Variants in IGDCC3 observed in about 807,000 individuals in gnomAD.
IGDCC3 encodes putative neuronal cell adhesion molecule.
A neutral mutation model predicts 72.0 loss-of-function variants in IGDCC3; 47 were observed. That is an observed-to-expected ratio of 0.65 (90% CI 0.52 to 0.83). The LOEUF (loss-of-function observed/expected upper bound fraction) is 0.83, where lower values mean the gene tolerates loss of function less well. IGDCC3 is among the 40% of genes least tolerant of loss of function. The pLI is 0.00. For missense variants in IGDCC3, 1,038 were observed against 1,091.3 expected (o/e 0.95, Z 0.69); for synonymous variants, 477 against 472.8 (o/e 1.01, Z -0.11).
At chr15:65,362,846 A>ATT (rs869239198) in intron 2 of IGDCC3, among the ~76,000 whole-genome samples, 1,344 of 85,702 alleles carry the variant, frequency 0.016, 81 homozygotes, top group African/African-American at 0.045. Flanking sequence ...AGGTTTGGGG[A>ATT]TTTTTTTTTT....
At chr15:65,374,934 C>A (rs751842260) in intron 2 of IGDCC3, among the ~76,000 whole-genome samples, 163 bp downstream of exon 2, 1 of 152,146 alleles carries the variant, frequency 6.6e-6, no homozygotes, top group Non-Finnish European at 1.5e-5. Flanking sequence ...ATAATTCCAC[C>A]GCCACGAATC....
intron 2 of IGDCC3, among the ~76,000 whole-genome samples, chr15:65,365,493 C>T (rs1302361609): frequency 6.6e-6 from 1 of 152,178 alleles, no homozygotes; most frequent in Admixed American, 6.5e-5. Flanking sequence ...CCACCACCCA[C>T]TGTGGTCAGT....
At chr15:65,375,476 C>T (rs1021672662) in intron 1 of IGDCC3, 74 bp from the exon 2 acceptor site, 340 of 1,267,562 alleles carry the variant, frequency 2.7e-4, no homozygotes, top group Middle Eastern at 5.6e-4. Flanking sequence ...GAACTCCACC[C>T]ACATGGTTCC....
chr15:65,355,656 T>TCCA, intron 2 of IGDCC3: 1 of 211,730 alleles, frequency 4.7e-6, no homozygotes, highest in Non-Finnish European at 9.7e-6. Flanking sequence ...GACGCGGGCG[T>TCCA]CCCGCCCCCC....
rs996207157 is a variant in IGDCC3, at chr15:65,377,880, T to C, written c.-92A>G. 2.9e-6 allele frequency: 3 copies of C among 1,028,792 alleles called. No homozygotes were observed. Among genetic ancestry groups the C allele is most frequent in the Non-Finnish European group, 3.5e-6 (3 of 857,750 alleles). The allele number at this position is 1,028,792 out of a possible 1,614,324, so 63.7% of individuals were successfully genotyped here. ...GCGGGGCCGGCGCCGGGGCCGGGGC[T>C]GGGGCTCCGGCCGGGGCCGAGCCCA... On this transcript the variant is annotated 5_prime_UTR_variant, in exon 1 of 14. Coordinates refer to ENST00000327987, the MANE Select transcript of IGDCC3 (RefSeq NM_004884.4). The surrounding 1 kb of genome is among the most constrained non-coding windows in gnomAD (Gnocchi z 4.9).
At chr15:65,363,631 G>A (rs1275839256) in intron 2 of IGDCC3, among the ~76,000 whole-genome samples, 2 of 151,968 alleles carry the variant, frequency 1.3e-5, no homozygotes, top group Non-Finnish European at 2.9e-5. Flanking sequence ...GGATGATTAT[G>A]GCTTCTCCCT....
chr15:65,344,415 C>G (rs570113444), intron 2 of IGDCC3, among the ~76,000 whole-genome samples: 2 of 152,192 alleles, frequency 1.3e-5, no homozygotes, highest in African/African-American at 2.4e-5. Flanking sequence ...TCACCACTCC[C>G]CCGCACCCAA....
chr15:65,363,250 G>C (rs1203894937), intron 2 of IGDCC3, among the ~76,000 whole-genome samples: 1 of 152,170 alleles, frequency 6.6e-6, no homozygotes, highest in African/African-American at 2.4e-5. Flanking sequence ...AACATAAAAG[G>C]ATGCTCATGG....
At chr15:65,345,237 G>A (rs8031618) in intron 2 of IGDCC3, among the ~76,000 whole-genome samples, 3,949 of 152,216 alleles carry the variant, frequency 0.026, 69 homozygotes, top group African/African-American at 0.049. Context: ...CCTTAGATGT[G>A]CACACCCAAC....
chr15:65,342,469 G>A (rs1246034091), intron 2 of IGDCC3, among the ~76,000 whole-genome samples: 1 of 152,100 alleles, frequency 6.6e-6, no homozygotes, highest in Non-Finnish European at 1.5e-5. Flanking sequence ...GTGCTCAGCA[G>A]CCACAAGTGG....
intron 2 of IGDCC3, among the ~76,000 whole-genome samples, chr15:65,354,457 G>A (rs1358942868): frequency 6.6e-6 from 1 of 151,960 alleles, no homozygotes; most frequent in African/African-American, 2.4e-5. Context: ...TTCCATATCC[G>A]CCAAAGGAAG....
In IGDCC3 at chr15:65,330,741, G is replaced by T; in HGVS notation, c.1562C>A (p.Ala521Asp). The change falls in exon 10 of 14, where the codon GCC becomes GAC. Residue 521 changes from alanine to aspartate, a missense_variant and splice_region_variant. Transcript: ENST00000327987. ...VPTLASTLGE[A>D]PAPPPLSVRV... The stretch of plus-strand genomic sequence containing the variant: ...CACTGACAGTGGGGGTGGGGCAGGG[G>T]CTGCAGGTAGAGAAGGAGGCCACGA... 6.3e-7 allele frequency: 1 copy of T among 1,599,534 alleles called. No individual in the cohort carries two copies. The highest frequency in any genetic ancestry group is 8.5e-7 in the Non-Finnish European group (1 of 1,171,882).
rs1184648134 is a variant in IGDCC3, at chr15:65,377,916, G to A, written c.-128C>T. The A allele has an allele frequency of 1.1e-6, 1 of 891,872 alleles. No homozygotes were observed. The highest frequency in any genetic ancestry group is 1.4e-6 in the Non-Finnish European group (1 of 738,432). The allele number at this position is 891,872 out of a possible 1,614,324, so 55.2% of individuals were successfully genotyped here. ...CCGGGGCCGAGCCCAGGCGGTGGGG[G>A]ACTGGGGCCGCATGCCTGCTCAGCA... On this transcript the variant is annotated 5_prime_UTR_variant, in exon 1 of 14. Coordinates refer to ENST00000327987, the MANE Select transcript of IGDCC3 (RefSeq NM_004884.4). This position sits in a 1 kb window ranked among gnomAD's most constrained non-coding sequence, Gnocchi z 4.9.
Position 65,329,740 on chromosome 15 carries a change from G to A in IGDCC3, c.1983C>T (p.Phe661=), listed in dbSNP as rs774803213. 1.9e-5 allele frequency: 30 copies of A among 1,613,902 alleles called. No individual in the cohort carries two copies. The South Asian group carries it at 2.3e-4, about 12-fold the overall frequency. The change falls in exon 12 of 14, where the codon TTC becomes TTT. Residue 661 remains phenylalanine, a synonymous_variant. Coordinates refer to ENST00000327987, the MANE Select transcript of IGDCC3 (RefSeq NM_004884.4). This position sits in a 1 kb window ranked among gnomAD's most constrained non-coding sequence, Gnocchi z 4.1. ...CCAGGACCCACCTGCCCCTTTGGCC[G>A]AACAGGAGGAAGAGGACACAGAAGA... ...CIIFCVLFLL[F]GQRGRVLLCK... is the part of the protein sequence containing the mutation.
Position 65,373,117 on chromosome 15 carries a change from C to CTA in IGDCC3, c.409+1978_409+1979dup, listed in dbSNP as rs113550928. On this transcript the variant is annotated intron_variant, in intron 2 of 13. Transcript: ENST00000327987. ...TAAAAAAAAGCACATTTACAATTAG[C>CTA]TATATATATATAAGCCCCTGGGGAT... 1.6e-3 allele frequency among the ~76,000 whole-genome samples: 250 copies of CTA among 152,132 alleles called. 2 individuals are homozygous for CTA. Among genetic ancestry groups the CTA allele is most frequent in the African/African-American group, 5.7e-3 (235 of 41,506 alleles).
chr15:65,343,404 G>C (rs55696861), intron 2 of IGDCC3, among the ~76,000 whole-genome samples: 3,850 of 151,442 alleles, frequency 0.025, 75 homozygotes, highest in Non-Finnish European at 0.031. Context: ...TGAATGGTGT[G>C]GGGGGAGGAC....
At chr15:65,350,236 T>G (rs2091161791) in intron 2 of IGDCC3, among the ~76,000 whole-genome samples, 1 of 149,092 alleles carries the variant, frequency 6.7e-6, no homozygotes, top group Non-Finnish European at 1.5e-5. Context: ...GGTTCAGCTA[T>G]TCTCCTGCTT....
At chr15:65,354,823 GGAA>G (rs1313094478) in intron 2 of IGDCC3, among the ~76,000 whole-genome samples, 18 of 152,294 alleles carry the variant, frequency 1.2e-4, no homozygotes, top group Admixed American at 3.3e-4. Flanking sequence ...TCAGTGAAAA[GGAA>G]GAAGGTGAAT....
At chr15:65,370,378 G>C (rs568224262) in intron 2 of IGDCC3, among the ~76,000 whole-genome samples, 2 of 151,326 alleles carry the variant, frequency 1.3e-5, no homozygotes, top group African/African-American at 4.9e-5. Context: ...GCCTGGCATG[G>C]TGGCAGGAAC....
Sources: allele counts gnomAD v4.1 joint callset (sites outside exome capture counted in the v4.1 genomes callset), GRCh38; gene constraint gnomAD v4.1.1; non-coding constraint Gnocchi (gnomAD v3.1); transcripts MANE v1.5; gene names NCBI Gene and HGNC (gene_info 2026-07-23, HGNC 2026-07-21).